ZNF208: variants seen among roughly 807,000 people sequenced by gnomAD.
ZNF208 encodes zinc finger protein 95.
Under a neutral mutation model 12.1 loss-of-function variants are expected in ZNF208, and 10 were observed. The ratio of observed to expected loss-of-function variants is 0.83; its 90% CI spans 0.51 to 1.40. The LOEUF is 1.40. ZNF208 is among the 40% of genes most tolerant of loss of function. The pLI is 0.00. For synonymous variants in ZNF208, 497 were observed against 488.4 expected (o/e 1.02, Z -0.23); for missense variants, 1,652 against 1,485.0 (o/e 1.11, Z -1.85).
chr19:21,947,274 G>GT (rs1032270198), intron 4 of ZNF208, among the ~76,000 whole-genome samples: 1 of 151,954 alleles, frequency 6.6e-6, no homozygotes, highest in African/African-American at 2.4e-5. Flanking sequence ...CATTTGATTT[G>GT]TTTTTTTCTC....
rs754185592 is a variant in ZNF208 at position 21,971,606 on chromosome 19, C to T, written c.3428G>A (p.Cys1143Tyr). ...VIHTGEKPYKCEECGKAYKWS... is the reference protein window; with the variant it reads ...VIHTGEKPYKYEECGKAYKWS... Reference sequence around the variant, plus strand: ...CTTATAGGCTTTGCCACATTCTTCACATTTGTAGGGTTTCTCTCCAGTATG... The same window carrying T: ...CTTATAGGCTTTGCCACATTCTTCATATTTGTAGGGTTTCTCTCCAGTATG... The change falls in exon 4 of 4, where the codon TGT (cysteine) becomes TAT (tyrosine). Residue 1143 changes from cysteine to tyrosine, a missense_variant. Physicochemically the swap from Cys to Tyr is radical, Grantham distance 194. Coordinates refer to ENST00000397126, the MANE Select transcript of ZNF208 (RefSeq NM_007153.3). The T allele has an allele frequency of 6.2e-6, 10 of 1,612,100 alleles. No individual in the cohort carries two copies. In the Admixed American group the frequency reaches 1.7e-4, roughly 27 times the overall value.
intron 3 of ZNF208, among the ~76,000 whole-genome samples, chr19:21,975,241 C>G (rs1315102571): frequency 1.3e-5 from 2 of 152,108 alleles, no homozygotes; most frequent in Non-Finnish European, 2.9e-5. Context: ...ACAGCCCTTT[C>G]CACACACTGG....
chr19:21,972,050 T>C lies in ZNF208; in HGVS notation c.2984A>G (p.His995Arg), dbSNP rs1396335021. Residue 995 changes from histidine to arginine, a missense_variant, in exon 4 of 4, where the codon CAT (histidine) becomes CGT (arginine). This residue lies in a region of ZNF208 where 1,239 missense variants were observed against 1,086.2 expected (regional missense o/e 1.14). Transcript: ENST00000397126. ...ACATTTGTAGGGTTTCTCTCCAGTA[T>C]GAATTACCTTATGTTTAGTAAGGAT... ...FSILTKHKVI[H>R]TGEKPYKCEE... The C allele has an allele frequency of 4.3e-6, 7 of 1,613,860 alleles. No individual in the cohort carries two copies. The highest frequency in any genetic ancestry group is 1.7e-5 in the Admixed American group (1 of 59,922).
At chr19:21,989,114 T>G (rs965872739) in intron 1 of ZNF208, among the ~76,000 whole-genome samples, 1 of 152,024 alleles carries the variant, frequency 6.6e-6, no homozygotes, top group African/African-American at 2.4e-5. Flanking sequence ...TACTTCAAGT[T>G]TTATGGTACA....
chr19:21,999,089 T>C (rs1034503875), intron 1 of ZNF208, among the ~76,000 whole-genome samples: 4 of 98,728 alleles, frequency 4.1e-5, no homozygotes, highest in Admixed American at 1.1e-4. Context: ...ATACCTATAA[T>C]TTATTCCCAT....
At chr19:21,962,959 T>C (rs184267250), downstream of ZNF208, among the ~76,000 whole-genome samples, 85 of 152,220 alleles carry the variant, frequency 5.6e-4, no homozygotes, top group Admixed American at 2.3e-3. Context: ...CTCATGATAA[T>C]AGTCTCATCT....
At chr19:22,003,950 C>A (rs1971000274) in intron 1 of ZNF208, among the ~76,000 whole-genome samples, 2 of 151,888 alleles carry the variant, frequency 1.3e-5, no homozygotes, top group Non-Finnish European at 1.5e-5. Flanking sequence ...AGGTGGATTG[C>A]CTGAGCTCAG....
intron 3 of ZNF208, among the ~76,000 whole-genome samples, chr19:21,986,333 T>A (rs1325742985): frequency 6.6e-6 from 1 of 152,142 alleles, no homozygotes; most frequent in African/African-American, 2.4e-5. Context: ...TAGCAAAATA[T>A]AAAATTAACA....
chr19:22,000,236 C>CT (rs1568456675), intron 1 of ZNF208, among the ~76,000 whole-genome samples: 6 of 152,272 alleles, frequency 3.9e-5, no homozygotes, highest in African/African-American at 1.4e-4. Flanking sequence ...AACTCTTCAT[C>CT]GAAAAATACC....
At chr19:21,976,436 G>T (rs1216470998) in intron 3 of ZNF208, among the ~76,000 whole-genome samples, 2 of 151,846 alleles carry the variant, frequency 1.3e-5, no homozygotes, top group Non-Finnish European at 2.9e-5. Context: ...GACAGAAAGA[G>T]AAAATGAGAG....
At chr19:21,953,471 A>T (rs760854898) in intron 4 of ZNF208, among the ~76,000 whole-genome samples, 16 of 152,186 alleles carry the variant, frequency 1.1e-4, no homozygotes, top group Non-Finnish European at 2.1e-4. Context: ...TCTCAGCAGA[A>T]ATCCTACAAA....
intron 1 of ZNF208, among the ~76,000 whole-genome samples, chr19:21,995,350 C>T (rs907326218): frequency 3.3e-5 from 5 of 152,174 alleles, no homozygotes; most frequent in Non-Finnish European, 5.9e-5. Flanking sequence ...TACCAGGGAA[C>T]TGGAAAAACT....
chr19:21,973,402 C>G lies in ZNF208; in HGVS notation c.1632G>C (p.Lys544Asn). Residue 544 changes from lysine (K) to asparagine (N), a missense_variant, in exon 4 of 4, where the codon AAG becomes AAC. Lys to Asn is a moderately conservative substitution (Grantham distance 94). This residue lies in a region of ZNF208 where 1,239 missense variants were observed against 1,086.2 expected (regional missense o/e 1.14). Coordinates refer to ENST00000397126, the MANE Select transcript of ZNF208 (RefSeq NM_007153.3). ...AGGGTTTCTCTCCAGTATGAATTAC[C>G]TTATGTTTAGTAAGGATTGAGAATG... is the stretch of plus-strand genomic sequence containing the variant. ...FSTFSILTKH[K>N]VIHTGEKPYK... 6.2e-7 allele frequency: 1 copy of G among 1,612,156 alleles called. No homozygotes were observed. Among genetic ancestry groups the G allele is most frequent in the Non-Finnish European group, 8.5e-7 (1 of 1,179,846 alleles).
At chr19:21,957,508 C>A (rs1237326020) in intron 4 of ZNF208, among the ~76,000 whole-genome samples, 1 of 152,194 alleles carries the variant, frequency 6.6e-6, no homozygotes, top group African/African-American at 2.4e-5. Flanking sequence ...AGTCCTCATA[C>A]AAAATTCCTG....
At chr19:22,003,445 C>T (rs1970989811) in intron 1 of ZNF208, among the ~76,000 whole-genome samples, 1 of 150,944 alleles carries the variant, frequency 6.6e-6, no homozygotes, top group Admixed American at 6.6e-5. Flanking sequence ...CAAAGGTCTA[C>T]TATCTAGAAT....
Position 21,970,850 on chromosome 19 carries a change from A to G in ZNF208, c.*341T>C, listed in dbSNP as rs979603379. ...AGCTGAAGGCTTTGCCACTTTCTTC[A>G]CATTTGTAGGGTTTCTCTCCAGTAT... is the stretch of plus-strand genomic sequence containing the variant. On this transcript the variant is annotated 3_prime_UTR_variant, in exon 4 of 4. Transcript: ENST00000397126. 17 of 1,502,298 alleles carry G rather than the reference A, an allele frequency of 1.1e-5. No homozygotes were observed. The East Asian group carries it at 3.9e-4, about 34-fold the overall frequency. 93.1% of individuals were successfully genotyped at this position (1,502,298 alleles called of 1,614,324 possible). A position where few individuals can be genotyped will look rare whatever the true frequency, so the allele number is the denominator to read the frequency against.
intron 4 of ZNF208, among the ~76,000 whole-genome samples, chr19:21,953,544 C>T (rs772131591): frequency 6.6e-6 from 1 of 152,206 alleles, no homozygotes; most frequent in African/African-American, 2.4e-5. Flanking sequence ...CCCAGAATTT[C>T]ATGTCCAGCC....
chr19:21,949,424 C>T (rs1433042372), intron 4 of ZNF208, among the ~76,000 whole-genome samples: 1 of 152,158 alleles, frequency 6.6e-6, no homozygotes, highest in Non-Finnish European at 1.5e-5. Flanking sequence ...AAGAATTAAA[C>T]TCATTTTCTT....
chr19:21,943,443 T>C (rs1433093759), intron 4 of ZNF208, among the ~76,000 whole-genome samples: 2 of 152,250 alleles, frequency 1.3e-5, no homozygotes, highest in Admixed American at 6.5e-5. Flanking sequence ...ACAGATGTTT[T>C]GCCACAGTGG....
Sources: allele counts gnomAD v4.1 joint callset (sites outside exome capture counted in the v4.1 genomes callset), GRCh38; gene constraint gnomAD v4.1.1; regional missense constraint gnomAD v4.1.1; transcripts MANE v1.5; gene names NCBI Gene and HGNC (gene_info 2026-07-23, HGNC 2026-07-21).